The following TSPAN14 variants were observed in gnomAD, a reference collection of about 807,000 sequenced individuals.
The protein encoded by TSPAN14 is tetraspanin-14.
TSPAN14 carries 16 observed loss-of-function variants against 36.6 expected under a neutral mutation model. That is an observed-to-expected ratio of 0.44 (90% CI 0.30 to 0.66). The LOEUF is 0.66. TSPAN14 is among the 30% of genes least tolerant of loss of function. The pLI, the probability that TSPAN14 is intolerant of heterozygous loss-of-function variation, is 0.12. For missense variants in TSPAN14, 231 were observed against 355.1 expected, an observed-to-expected ratio of 0.65 and a Z score of 2.81; for synonymous variants, 139 against 143.8, an observed-to-expected ratio of 0.97 and a Z score of 0.24.
exon 9 of TSPAN14, chr10:80,518,540 G>A (rs1841079546): frequency 6.3e-6 from 1 of 158,016 alleles, no homozygotes; most frequent in African/African-American, 2.4e-5. Flanking sequence ...GGGGTTGTTT[G>A]CAGGATCCTC....
At chr10:80,478,233 T>C (rs776119568) in intron 1 of TSPAN14, among the ~76,000 whole-genome samples, 10 of 151,774 alleles carry the variant, frequency 6.6e-5, no homozygotes, top group Non-Finnish European at 1.0e-4. Context: ...ATCAGAAAAT[T>C]TTTCAAAAAT....
intron 7 of TSPAN14, 117 bp from the exon 8 acceptor site, chr10:80,516,080 GCCTGCCT>G: frequency 1.4e-6 from 2 of 1,469,074 alleles, no homozygotes; most frequent in Non-Finnish European, 1.9e-6. Context: ...AGTCCTCCTT[GCCTGCCT>G]CCTGGATCCC....
rs368953643 is a variant in TSPAN14, at chr10:80,509,260, G to T, written c.280-41G>T. 6.3e-7 allele frequency: 1 copy of T among 1,596,090 alleles called. No individual in the cohort carries two copies. On this transcript the variant is annotated intron_variant, in intron 4 of 8. Coordinates refer to ENST00000429989, the Ensembl canonical transcript of TSPAN14. The surrounding 1 kb of genome is among the most constrained non-coding windows in gnomAD (Gnocchi z 4.7). The stretch of plus-strand genomic sequence containing the variant: ...GGTTATGTGTGTGGGGGTGCAGGCT[G>T]GTGGGGTGGTGACTTCTGCTCCCGT...
chr10:80,512,732 C>T (rs1349109388), intron 6 of TSPAN14, among the ~76,000 whole-genome samples: 2 of 152,086 alleles, frequency 1.3e-5, no homozygotes, highest in African/African-American at 4.8e-5. Context: ...CTTGCTGTGT[C>T]GCCCAGGCTG....
intron 1 of TSPAN14, among the ~76,000 whole-genome samples, chr10:80,482,347 C>G (rs1414078149): frequency 2.6e-5 from 4 of 152,134 alleles, no homozygotes; most frequent in African/African-American, 9.6e-5. Context: ...AGTGCACTGG[C>G]GCAATCTCAG....
intron 2 of TSPAN14, among the ~76,000 whole-genome samples, chr10:80,497,449 G>A (rs1848257820): frequency 6.6e-6 from 1 of 152,178 alleles, no homozygotes; most frequent in Middle Eastern, 3.2e-3. Flanking sequence ...TATTATCTAT[G>A]GCTGCTTTCC....
intron 2 of TSPAN14, among the ~76,000 whole-genome samples, chr10:80,489,701 C>T (rs540265368): frequency 6.6e-6 from 1 of 152,324 alleles, no homozygotes; most frequent in East Asian, 1.9e-4. Context: ...GAGGTGATAA[C>T]AGACAAGGGC....
intron 1 of TSPAN14, among the ~76,000 whole-genome samples, chr10:80,480,689 C>T (rs550338708): frequency 1.3e-5 from 2 of 151,816 alleles, no homozygotes; most frequent in South Asian, 4.2e-4. Context: ...AACAAAAAAC[C>T]AAACACCGTA....
At chr10:80,502,592 T>C (rs1848582096) in intron 2 of TSPAN14, among the ~76,000 whole-genome samples, 1 of 151,910 alleles carries the variant, frequency 6.6e-6, no homozygotes, top group Non-Finnish European at 1.5e-5. Flanking sequence ...CTGGGTTTTC[T>C]CTCTTACACT....
intron 1 of TSPAN14, among the ~76,000 whole-genome samples, chr10:80,465,787 T>A (rs1050686649): frequency 1.3e-5 from 2 of 152,192 alleles, no homozygotes; most frequent in African/African-American, 4.8e-5. Flanking sequence ...CAGGATTGGT[T>A]AAGAATATTT....
At chr10:80,489,817 C>T (rs1847826723) in intron 2 of TSPAN14, among the ~76,000 whole-genome samples, 2 of 152,186 alleles carry the variant, frequency 1.3e-5, no homozygotes, top group South Asian at 4.1e-4. Flanking sequence ...TGACCAGGGA[C>T]AGGCATTCTG....
chr10:80,505,078 T>C (rs1229707558), intron 3 of TSPAN14, among the ~76,000 whole-genome samples: 2 of 152,222 alleles, frequency 1.3e-5, no homozygotes, highest in Admixed American at 6.5e-5. Context: ...TGACCCTGTC[T>C]GTGCCTCTGG....
chr10:80,481,155 G>T (rs755188605), intron 1 of TSPAN14, among the ~76,000 whole-genome samples: 15 of 152,090 alleles, frequency 9.9e-5, no homozygotes, highest in Non-Finnish European at 1.8e-4. Flanking sequence ...TACTGGATGT[G>T]AAAAACTTGC....
chr10:80,515,668 G>C (rs1447924206), intron 7 of TSPAN14: 1 of 156,422 alleles, frequency 6.4e-6, no homozygotes, highest in Non-Finnish European at 1.4e-5. Context: ...GGGTGGGCAG[G>C]GCTGGGGTGT....
chr10:80,509,194 A>G lies in TSPAN14; in HGVS notation c.280-107A>G. 8.0e-7 allele frequency: 1 copy of G among 1,257,198 alleles called. No individual in the cohort carries two copies. 77.9% of individuals were successfully genotyped at this position (1,257,198 alleles called of 1,614,324 possible). On this transcript the variant is annotated intron_variant, in intron 4 of 8. Transcript: ENST00000429989. This position sits in a 1 kb window ranked among gnomAD's most constrained non-coding sequence, Gnocchi z 4.7. Reference sequence around the variant, plus strand: ...CCCGATGTGGGACTCTCAGGTGCAGAGCCCACGCTCTGCTGAGGATGGTGG... The same window carrying G: ...CCCGATGTGGGACTCTCAGGTGCAGGGCCCACGCTCTGCTGAGGATGGTGG...
At chr10:80,484,647 T>C (rs1200820394) in intron 1 of TSPAN14, among the ~76,000 whole-genome samples, 3 of 152,224 alleles carry the variant, frequency 2.0e-5, no homozygotes, top group African/African-American at 7.2e-5. Flanking sequence ...TGGGTCTCTA[T>C]AGGTTGCAGA....
chr10:80,480,849 G>T (rs1847230877), intron 1 of TSPAN14, among the ~76,000 whole-genome samples: 1 of 152,140 alleles, frequency 6.6e-6, no homozygotes, highest in Non-Finnish European at 1.5e-5. Context: ...GTTAATGGGT[G>T]CAGCACACCA....
At chr10:80,454,317 C>G (rs1488990426) in exon 1 of TSPAN14, 3 of 151,628 alleles carry the variant, frequency 2.0e-5, no homozygotes, top group Non-Finnish European at 4.4e-5. Flanking sequence ...GCGGAACTTG[C>G]TCTAACTTCC....
Position 80,491,366 on chromosome 10 carries a change from C to T in TSPAN14, c.81+2052C>T, listed in dbSNP as rs570266182. Among the ~76,000 whole-genome samples, 7 of 152,260 alleles carry T rather than the reference C, an allele frequency of 4.6e-5. No individual in the cohort carries two copies. The South Asian group carries it at 6.2e-4, about 14-fold the overall frequency. On this transcript the variant is annotated intron_variant, in intron 2 of 8. Coordinates refer to ENST00000429989, the Ensembl canonical transcript of TSPAN14. ...TCTGGCCTTACCTGGTGTTCCCCTC[C>T]ACCATCCCGCACCCCCAGGCAAGTA...
Sources: gnomAD v4.1 joint callset for allele counts (sites outside exome capture counted in the v4.1 genomes callset) on GRCh38, gnomAD v4.1.1 for gene constraint, Gnocchi (gnomAD v3.1) non-coding constraint, MANE v1.5 for transcripts, NCBI Gene and HGNC (gene_info 2026-07-23, HGNC 2026-07-21) for gene names.